TRIM65: variants seen among roughly 807,000 people sequenced by gnomAD.
The protein encoded by TRIM65 is tripartite motif containing 65.
TRIM65 carries 46 observed loss-of-function variants against 36.1 expected under a neutral mutation model. That is an observed-to-expected ratio of 1.27 (90% CI 1.01 to 1.63). The LOEUF is 1.63. TRIM65 is among the 40% of genes most tolerant of loss of function. The probability of loss-of-function intolerance (pLI) is 0.00; values close to 1 mark genes in which losing one functional copy is unlikely to be tolerated. For missense variants in TRIM65, 708 were observed against 696.6 expected, an observed-to-expected ratio of 1.02 and a Z score of -0.18; for synonymous variants, 346 against 313.6, an observed-to-expected ratio of 1.10 and a Z score of -1.09.
At chr17:75,893,510 A>G (rs1434677163) in intron 1 of TRIM65, among the ~76,000 whole-genome samples, 1 of 152,166 alleles carries the variant, frequency 6.6e-6, no homozygotes, top group East Asian at 1.9e-4. Context: ...TCATGAGAGC[A>G]GGACAAACCA....
At chr17:75,883,329 C>T (rs1200524847) in intron 4 of TRIM65, among the ~76,000 whole-genome samples, 1 of 151,932 alleles carries the variant, frequency 6.6e-6, no homozygotes, top group Non-Finnish European at 1.5e-5. Flanking sequence ...GTTGACCAGG[C>T]TGGTCTTGAA....
intron 1 of TRIM65, among the ~76,000 whole-genome samples, chr17:75,895,093 C>T (rs1471252827): frequency 6.6e-6 from 1 of 152,184 alleles, no homozygotes; most frequent in Non-Finnish European, 1.5e-5. Flanking sequence ...TCCACCTACG[C>T]CTCTCAGGAC....
Position 75,892,071 on chromosome 17 carries a change from G to A in TRIM65, c.859C>T (p.Leu287Phe), listed in dbSNP as rs1459250938. ...KQLLSRLCGL[L>F]LEEGSHPGAP... ...CCAGGGTGGCTCCCCTCTTCCAAGAGGAGGCCACACAGCCGGCTTAGCAAC... is the reference window on the plus strand; with the variant it reads ...CCAGGGTGGCTCCCCTCTTCCAAGAAGAGGCCACACAGCCGGCTTAGCAAC... Residue 287 changes from leucine (L) to phenylalanine (F), a missense_variant, in exon 4 of 6, where the codon CTC (leucine) becomes TTC (phenylalanine). Coordinates refer to ENST00000269383, the MANE Select transcript of TRIM65 (RefSeq NM_173547.4). 1 of 1,552,044 alleles carries A rather than the reference G, an allele frequency of 6.4e-7. No homozygotes were observed. Among genetic ancestry groups the A allele is most frequent in the Non-Finnish European group, 8.7e-7 (1 of 1,147,230 alleles).
Position 75,891,043 on chromosome 17 carries a change from GTCC to G in TRIM65, c.1287_1289del (p.Glu429del). The G allele has an allele frequency of 4.3e-6, 7 of 1,612,342 alleles. No individual in the cohort carries two copies. In the South Asian group the frequency reaches 4.4e-5, roughly 10 times the overall value. ...CCCCGTTGTGCCAGGCCTGGAGGCT[GTCC>G]TCCTGGACGCAGAGCCCCCAGGAGC... On this transcript the variant is annotated inframe_deletion, in exon 6 of 6. Transcript: ENST00000269383.
At position 75,892,145 on chromosome 17, in the gene TRIM65, A is replaced by C. The variant is rs1335250295; in HGVS notation, c.785T>G (p.Leu262Arg). The change falls in exon 4 of 6, where the codon CTG becomes CGG. Residue 262 changes from leucine (L) to arginine (R), a missense_variant. Coordinates refer to ENST00000269383, the MANE Select transcript of TRIM65 (RefSeq NM_173547.4). ...GTCTTCATCCCACTGCAGAGGGGTC[A>C]GTGGCCCAAGAGGCCCTGGGGGCTG... ...LLQPPGPLGP[L>R]TPLQWDEDQQ... 1 of 1,568,542 alleles carries C rather than the reference A, an allele frequency of 6.4e-7. No homozygotes were observed. The highest frequency in any genetic ancestry group is 2.4e-5 in the East Asian group (1 of 42,286).
downstream of TRIM65, among the ~76,000 whole-genome samples, chr17:75,886,511 G>C (rs34572614): frequency 0.028 from 3,392 of 123,212 alleles, 52 homozygotes; most frequent in South Asian, 0.061. Context: ...GACAGAGCGA[G>C]ACTCCGTTTC....
chr17:75,896,099 A>C (rs1249659867), intron 1 of TRIM65, among the ~76,000 whole-genome samples: 1 of 152,208 alleles, frequency 6.6e-6, no homozygotes, highest in African/African-American at 2.4e-5. Context: ...TCTGTCGCCC[A>C]GACTGGAGTG....
At chr17:75,884,892 A>C (rs2144011204), downstream of TRIM65, among the ~76,000 whole-genome samples, 1 of 151,186 alleles carries the variant, frequency 6.6e-6, no homozygotes, top group African/African-American at 2.4e-5. Flanking sequence ...CAGCCTCCCA[A>C]AGTGTTGGGA....
intron 4 of TRIM65, among the ~76,000 whole-genome samples, chr17:75,883,620 C>T (rs1328751153): frequency 4.7e-5 from 7 of 150,492 alleles, no homozygotes; most frequent in African/African-American, 1.2e-4. Context: ...CTCCACCTCC[C>T]GGGTTCATCC....
At chr17:75,893,816 T>G (rs1055251588) in intron 1 of TRIM65, among the ~76,000 whole-genome samples, 3 of 151,844 alleles carry the variant, frequency 2.0e-5, no homozygotes, top group Non-Finnish European at 4.4e-5. Context: ...CCTTTCCCTC[T>G]CTCTTGCAAA....
chr17:75,883,947 GGCCAACA>G (rs2065187233), intron 4 of TRIM65, among the ~76,000 whole-genome samples: 3 of 152,060 alleles, frequency 2.0e-5, no homozygotes, highest in South Asian at 4.1e-4. Flanking sequence ...AGACCAGCCT[GGCCAACA>G]TGGCAAATCC....
chr17:75,891,061 C>T lies in TRIM65; in HGVS notation c.1272G>A (p.Gly424=), dbSNP rs199667738. Residue 424 remains glycine (G), a synonymous_variant, in exon 6 of 6, where the codon GGG becomes GGA. Coordinates refer to ENST00000269383, the MANE Select transcript of TRIM65 (RefSeq NM_173547.4). ...GGAGGCTGTCCTCCTGGACGCAGAG[C>T]CCCCAGGAGCAGGGTCCCCGGCCAA... is the stretch of plus-strand genomic sequence containing the variant. The part of the protein sequence containing the change: ...DNIGRGPCSW[G]LCVQEDSLQA... 8.1e-6 allele frequency: 13 copies of T among 1,612,290 alleles called. No individual in the cohort carries two copies. The South Asian group carries it at 1.1e-4, about 14-fold the overall frequency.
In TRIM65 at chr17:75,891,201, T is replaced by TCACCGGC; in HGVS notation, c.1131_1132insGCCGGTG (p.Ser378AlafsTer120). 3 of 1,612,186 alleles carry TCACCGGC rather than the reference T, an allele frequency of 1.9e-6. No homozygotes were observed. The highest frequency in any genetic ancestry group is 2.5e-6 in the Non-Finnish European group (3 of 1,179,980). ...CAGTAGTGGTGCCCGGCCTGGAAGCTCTGGGCACATTGCACCTGCCAGAGC... is the reference window on the plus strand; with the variant it reads ...CAGTAGTGGTGCCCGGCCTGGAAGCTCACCGGCCTGGGCACATTGCACCTGCCAGAGC... On this transcript the variant is annotated frameshift_variant, in exon 6 of 6. Coordinates refer to ENST00000269383, the MANE Select transcript of TRIM65 (RefSeq NM_173547.4). LOFTEE classifies it low-confidence loss of function (END_TRUNC).
intron 4 of TRIM65, 24 bp downstream of exon 4, chr17:75,891,987 G>A: frequency 6.4e-7 from 1 of 1,551,408 alleles, no homozygotes; most frequent in Non-Finnish European, 8.7e-7. Context: ...AGGACAGCAG[G>A]GGGAGGCCTG....
chr17:75,894,686 G>C (rs915400450), intron 1 of TRIM65, among the ~76,000 whole-genome samples: 1 of 152,198 alleles, frequency 6.6e-6, no homozygotes, highest in Non-Finnish European at 1.5e-5. Flanking sequence ...CCCGCCACCA[G>C]GCCTGGCTAA....
At chr17:75,880,822 C>T (rs1276530753) in intron 4 of TRIM65, among the ~76,000 whole-genome samples, 1 of 150,432 alleles carries the variant, frequency 6.6e-6, no homozygotes, top group Admixed American at 6.6e-5. Context: ...GTCTGCATTC[C>T]TGCCTCTGTT....
chr17:75,889,088 GCT>G lies in TRIM65; in HGVS notation c.*1689_*1690del, dbSNP rs2065233906. On this transcript the variant is annotated 3_prime_UTR_variant, in exon 6 of 6. Coordinates refer to ENST00000269383, the MANE Select transcript of TRIM65 (RefSeq NM_173547.4). ...TTTTTTTTTTTTGAGACAGAGTCTC[GCT>G]CTGTCACCCAGGCTGTAGTCCAGTG... 1 of 137,990 alleles carries G rather than the reference GCT, an allele frequency of 7.2e-6. No homozygotes were observed. Among genetic ancestry groups the G allele is most frequent in the Non-Finnish European group, 1.5e-5 (1 of 65,690 alleles). The allele number at this position is 137,990 out of a possible 1,614,324, so 8.5% of individuals were successfully genotyped here.
In TRIM65 at chr17:75,890,730, G is replaced by A. The variant is rs1443345037; in HGVS notation, c.*49C>T. On this transcript the variant is annotated 3_prime_UTR_variant, in exon 6 of 6. Transcript: ENST00000269383. ...CAAGCTGAAGCTGGGCAGCTCTTGG[G>A]CACATAGGCATGGTGGCAGCTATGC... is the stretch of plus-strand genomic sequence containing the variant. 1.4e-6 allele frequency: 2 copies of A among 1,408,356 alleles called. No individual in the cohort carries two copies. Among genetic ancestry groups the A allele is most frequent in the Non-Finnish European group, 1.9e-6 (2 of 1,074,376 alleles). The allele number at this position is 1,408,356 out of a possible 1,614,324, so 87.2% of individuals were successfully genotyped here. A position where few individuals can be genotyped will look rare whatever the true frequency, so the allele number is the denominator to read the frequency against.
downstream of TRIM65, among the ~76,000 whole-genome samples, chr17:75,887,907 G>A (rs1430735916): frequency 1.3e-5 from 2 of 152,142 alleles, no homozygotes; most frequent in African/African-American, 4.8e-5. Flanking sequence ...TGTAATCCCA[G>A]CACTTTGAGA....
Sources: allele counts gnomAD v4.1 joint callset (sites outside exome capture counted in the v4.1 genomes callset), GRCh38; gene constraint gnomAD v4.1.1; transcripts MANE v1.5; gene names NCBI Gene and HGNC (gene_info 2026-07-23, HGNC 2026-07-21).